ITGA6: variants seen among roughly 807,000 people sequenced by gnomAD.
The protein encoded by ITGA6 is integrin subunit alpha 6.
In ITGA6, 63 loss-of-function variants were observed where a neutral mutation model predicts 133.6. The ratio of observed to expected loss-of-function variants is 0.47; its 90% CI spans 0.38 to 0.58. ITGA6 has a LOEUF of 0.58. ITGA6 is among the 20% of genes least tolerant of loss of function. ITGA6 has a pLI of 0.00. For missense variants in ITGA6, 1,068 were observed against 1,309.4 expected (o/e 0.82, Z 2.85); for synonymous variants, 434 against 482.0 (o/e 0.90, Z 1.30).
intron 2 of ITGA6, 77 bp from the exon 3 acceptor site, chr2:172,467,404 G>GTT: frequency 9.1e-7 from 1 of 1,104,484 alleles, no homozygotes. Context: ...TTTGGAAACA[G>GTT]TTGCTTGTAT....
At position 172,487,245 on chromosome 2, in the gene ITGA6, G is replaced by GTTTTCTTA. The variant is rs1559149097; in HGVS notation, c.1971-14_1971-7dup. 1.2e-6 allele frequency: 2 copies of GTTTTCTTA among 1,605,052 alleles called. No individual in the cohort carries two copies. The highest frequency in any genetic ancestry group is 4.5e-5 in the East Asian group (2 of 44,826). The stretch of plus-strand genomic sequence containing the variant: ...TTGAGGACTTTGCCTTTTTGTTCTT[G>GTTTTCTTA]TTTTCTTATTTTTAATAGTCAAAAA... On this transcript the variant is annotated intron_variant, in intron 14 of 25. Transcript: ENST00000684293.
Position 172,480,026 on chromosome 2 carries a change from C to A in ITGA6, c.1524C>A (p.Asn508Lys), listed in dbSNP as rs1380398585. 1.9e-6 allele frequency: 3 copies of A among 1,587,660 alleles called. No individual in the cohort carries two copies. Among genetic ancestry groups the A allele is most frequent in the Middle Eastern group, 1.7e-4 (1 of 6,010 alleles). Reference sequence around the variant, plus strand: ...AATCCTGTTTTGAATATACTGCTAACCCCGCTGGTTATAATCCTTCAATAT... The same window carrying A: ...AATCCTGTTTTGAATATACTGCTAAACCCGCTGGTTATAATCCTTCAATAT... ...QVKSCFEYTA[N>K]PAGYNPSISI... The change falls in exon 11 of 26, where the codon AAC becomes AAA. Residue 508 changes from asparagine to lysine, a missense_variant. Asn to Lys is a moderately conservative substitution (Grantham distance 94, BLOSUM62 0). This residue lies in a region of ITGA6 where 609 missense variants were observed against 707.2 expected (regional missense o/e 0.86). Coordinates refer to ENST00000684293, the MANE Select transcript of ITGA6 (RefSeq NM_000210.4).
chr2:172,489,880 C>A, intron 20 of ITGA6: 2 of 500,268 alleles, frequency 4.0e-6, no homozygotes, highest in South Asian at 2.1e-5. Flanking sequence ...TCATTCAGTG[C>A]TTGCTGAGGC....
At chr2:172,484,346 A>G (rs1686572745) in intron 11 of ITGA6, among the ~76,000 whole-genome samples, 6 of 151,858 alleles carry the variant, frequency 4.0e-5, no homozygotes, top group African/African-American at 1.5e-4. Flanking sequence ...CTGCTGTTCT[A>G]GAGATCTTTC....
rs145477741 is a variant in ITGA6 at position 172,458,144 on chromosome 2, C to A, written c.183-7395C>A. ...TAACACCCTGGCTGTGGGGAAAATA[C>A]CAAACCCATAGCACTTTCTGGGGAC... On this transcript the variant is annotated intron_variant, in intron 1 of 25. Coordinates refer to ENST00000684293, the MANE Select transcript of ITGA6 (RefSeq NM_000210.4). Among the ~76,000 whole-genome samples the A allele has an allele frequency of 4.5e-3, 687 of 152,152 alleles. 6 individuals carry two copies. Among genetic ancestry groups the A allele is most frequent in the African/African-American group, 0.016 (658 of 41,454 alleles).
chr2:172,432,660 C>CG (rs766877267), intron 1 of ITGA6, among the ~76,000 whole-genome samples: 94 of 152,138 alleles, frequency 6.2e-4, no homozygotes, highest in Non-Finnish European at 1.1e-3. Context: ...TTTTCAAAGG[C>CG]GGGGGGTTCC....
intron 11 of ITGA6, among the ~76,000 whole-genome samples, chr2:172,482,166 C>G (rs947459901): frequency 6.6e-6 from 1 of 152,152 alleles, no homozygotes. Context: ...GCATTTGATG[C>G]CATGTGTATT....
At chr2:172,444,316 A>G (rs544502870) in intron 1 of ITGA6, among the ~76,000 whole-genome samples, 2 of 152,322 alleles carry the variant, frequency 1.3e-5, no homozygotes, top group South Asian at 4.1e-4. Flanking sequence ...TTATCTCAGC[A>G]ATAGCAAGTC....
chr2:172,484,731 C>G, intron 11 of ITGA6, 51 bp from the exon 12 acceptor site: 1 of 1,462,884 alleles, frequency 6.8e-7, no homozygotes, highest in Non-Finnish European at 9.6e-7. Flanking sequence ...ATGCTTGTGG[C>G]TGGATTGTGC....
chr2:172,487,851 A>C, intron 17 of ITGA6, 44 bp downstream of exon 17: 1 of 1,510,220 alleles, frequency 6.6e-7, no homozygotes, highest in Non-Finnish European at 9.2e-7. Context: ...ATTTCATGAA[A>C]ATATGGGCAG....
At chr2:172,433,533 C>T (rs771332387) in intron 1 of ITGA6, among the ~76,000 whole-genome samples, 1 of 152,144 alleles carries the variant, frequency 6.6e-6, no homozygotes, top group African/African-American at 2.4e-5. Flanking sequence ...CTAGTATCCT[C>T]GCACATTAGA....
chr2:172,431,832 A>G (rs910929897), intron 1 of ITGA6, among the ~76,000 whole-genome samples: 4 of 152,304 alleles, frequency 2.6e-5, no homozygotes, highest in African/African-American at 9.6e-5. Flanking sequence ...AAGTAATGAC[A>G]GGGTTGGGGA....
At chr2:172,479,109 A>AT (rs1216937923) in intron 9 of ITGA6, among the ~76,000 whole-genome samples, 1 of 152,182 alleles carries the variant, frequency 6.6e-6, no homozygotes, top group Non-Finnish European at 1.5e-5. Context: ...ATGTCTACCG[A>AT]TTAGGTACTG....
intron 8 of ITGA6, 115 bp downstream of exon 8, chr2:172,475,800 T>C (rs1435770679): frequency 2.5e-5 from 17 of 692,834 alleles, no homozygotes; most frequent in Middle Eastern, 2.5e-4. Flanking sequence ...AAGTCCACAA[T>C]AGTATAAATT....
chr2:172,473,141 A>C (rs1003155024), intron 5 of ITGA6, among the ~76,000 whole-genome samples: 4 of 152,142 alleles, frequency 2.6e-5, no homozygotes, highest in Admixed American at 2.6e-4. Context: ...GTAGTGGTGA[A>C]GCTTTTCATA....
chr2:172,434,429 C>G (rs996782755), intron 1 of ITGA6, among the ~76,000 whole-genome samples: 4 of 152,120 alleles, frequency 2.6e-5, no homozygotes, highest in African/African-American at 9.7e-5. Flanking sequence ...CGATCTCAAA[C>G]CAGCATACCG....
At position 172,433,550 on chromosome 2, in the gene ITGA6, C is replaced by T. The variant is rs143645576; in HGVS notation, c.182+5580C>T. 6.1e-3 allele frequency among the ~76,000 whole-genome samples: 928 copies of T among 152,260 alleles called. 9 individuals carry two copies. The highest frequency in any genetic ancestry group is 0.021 in the African/African-American group (872 of 41,536). ...AGTATCCTCGCACATTAGAATAGTC[C>T]TGGTCCAGAGTGAGCATTTTGTGTT... On this transcript the variant is annotated intron_variant, in intron 1 of 25. Coordinates refer to ENST00000684293, the MANE Select transcript of ITGA6 (RefSeq NM_000210.4).
chr2:172,435,053 T>G (rs1684259754), intron 1 of ITGA6, among the ~76,000 whole-genome samples: 1 of 150,914 alleles, frequency 6.6e-6, no homozygotes, highest in Non-Finnish European at 1.5e-5. Flanking sequence ...TGTGTGTGTG[T>G]GTGTGTATGA....
At chr2:172,457,139 C>G (rs1002317511) in intron 1 of ITGA6, among the ~76,000 whole-genome samples, 2 of 151,814 alleles carry the variant, frequency 1.3e-5, no homozygotes, top group African/African-American at 4.8e-5. Flanking sequence ...ACTAAAAATA[C>G]AAAAATTAGC....
Sources: allele counts gnomAD v4.1 joint callset (sites outside exome capture counted in the v4.1 genomes callset), GRCh38; gene constraint gnomAD v4.1.1; regional missense constraint gnomAD v4.1.1; transcripts MANE v1.5; gene names NCBI Gene and HGNC (gene_info 2026-07-23, HGNC 2026-07-21).